TASOR: variants seen among roughly 807,000 people sequenced by gnomAD.
TASOR encodes protein TASOR.
TASOR carries 53 observed loss-of-function variants against 178.6 expected under a neutral mutation model. The ratio of observed to expected loss-of-function variants is 0.30; its 90% CI spans 0.24 to 0.37. The LOEUF is 0.37. TASOR is among the 10% of genes least tolerant of loss of function. TASOR has a pLI of 1.00. For synonymous variants in TASOR, 713 were observed against 696.2 expected, an observed-to-expected ratio of 1.02 and a Z score of -0.38; for missense variants, 1,815 against 1,971.4, an observed-to-expected ratio of 0.92 and a Z score of 1.50.
At chr3:56,667,949 GAT>G (rs1161160103) in intron 6 of TASOR, among the ~76,000 whole-genome samples, 4 of 152,102 alleles carry the variant, frequency 2.6e-5, no homozygotes, top group Admixed American at 6.6e-5. Context: ...TGTTAATAAA[GAT>G]AGAAAATACC....
intron 17 of TASOR, among the ~76,000 whole-genome samples, chr3:56,634,330 C>T (rs552491428): frequency 6.6e-6 from 1 of 152,276 alleles, no homozygotes; most frequent in East Asian, 1.9e-4. Context: ...TTGCTCAATC[C>T]CTGTATTTAT....
chr3:56,673,367 G>A (rs1200349524), intron 2 of TASOR, among the ~76,000 whole-genome samples: 1 of 146,954 alleles, frequency 6.8e-6, no homozygotes, highest in Non-Finnish European at 1.5e-5. Context: ...GGGAGGCAGA[G>A]GCTGTAGTGA....
rs2076826463 is a variant in TASOR at position 56,627,572 on chromosome 3, A to G, written c.4030+10T>C. 2 of 1,613,570 alleles carry G rather than the reference A, an allele frequency of 1.2e-6. No homozygotes were observed. The highest frequency in any genetic ancestry group is 1.3e-5 in the African/African-American group (1 of 74,926). On this transcript the variant is annotated intron_variant, in intron 20 of 23. Coordinates refer to ENST00000683822, the MANE Select transcript of TASOR (RefSeq NM_001365635.2). ...AGAGGAGTTACGTGCTCAAAAGAACATCATCTTACCAACTGTGACAACCTC... is the reference window on the plus strand; with the variant it reads ...AGAGGAGTTACGTGCTCAAAAGAACGTCATCTTACCAACTGTGACAACCTC...
chr3:56,639,895 CAA>C, intron 16 of TASOR, 89 bp downstream of exon 16: 2 of 1,177,266 alleles, frequency 1.7e-6, no homozygotes, highest in South Asian at 3.2e-5. Flanking sequence ...CCTAGTGACC[CAA>C]GAGTGAAATC....
At chr3:56,682,451 C>T (rs1263441136) in intron 1 of TASOR, among the ~76,000 whole-genome samples, 1 of 152,062 alleles carries the variant, frequency 6.6e-6, no homozygotes, top group Non-Finnish European at 1.5e-5. Flanking sequence ...CAAACCTGAG[C>T]TACTTCCAAC....
At chr3:56,639,484 T>C (rs2077079847) in intron 16 of TASOR, among the ~76,000 whole-genome samples, 3 of 152,192 alleles carry the variant, frequency 2.0e-5, no homozygotes. Flanking sequence ...TTACATTTGA[T>C]CATTCAGGCC....
chr3:56,629,167 TCA>T (rs1281483335), intron 18 of TASOR: 1 of 152,172 alleles, frequency 6.6e-6, no homozygotes, highest in African/African-American at 2.4e-5. Flanking sequence ...AATCACACAG[TCA>T]CAATGTTACA....
Position 56,633,923 on chromosome 3 carries a change from C to A in TASOR, c.2868G>T (p.Gln956His). The A allele has an allele frequency of 6.4e-7, 1 of 1,559,650 alleles. No homozygotes were observed. ...CCCGGGGGTCGTTAGGAAAGGCCTC[C>A]TGTGGTGGCACACACACCAGTTGTT... ...PEEQLVCVPPQEAFPNDPRVI... is the reference protein window; with the variant it reads ...PEEQLVCVPPHEAFPNDPRVI... The change falls in exon 18 of 24, where the codon CAG becomes CAT. Residue 956 changes from glutamine (Q) to histidine (H), a missense_variant. Physicochemically the swap from Gln to His is conservative, Grantham distance 24. Transcript: ENST00000683822.
intron 17 of TASOR, among the ~76,000 whole-genome samples, chr3:56,638,068 T>A (rs1313450454): frequency 6.6e-6 from 1 of 152,094 alleles, no homozygotes; most frequent in Non-Finnish European, 1.5e-5. Flanking sequence ...TTTTTAAAAA[T>A]TTAAAAAAGA....
rs533306611 is a variant in TASOR at position 56,678,177 on chromosome 3, A to ATTTTTTTT, written c.332-4460_332-4453dup. Among the ~76,000 whole-genome samples the ATTTTTTTT allele has an allele frequency of 3.6e-4, 38 of 106,956 alleles. 2 individuals are homozygous for ATTTTTTTT. The highest frequency in any genetic ancestry group is 1.5e-3 in the East Asian group (5 of 3,384). The allele number at this position is 106,956 out of a possible 152,430, so 70.2% of individuals were successfully genotyped here. On this transcript the variant is annotated intron_variant, in intron 1 of 23. Transcript: ENST00000683822. ...TAGTATCATACAAAACACACTTATG[A>ATTTTTTTT]TTTTTTTTTTTTTTTTTTTTTTGAG...
At position 56,634,094 on chromosome 3, in the gene TASOR, T is replaced by G. The variant is rs750185578; in HGVS notation, c.2825-128A>C. 453 of 749,680 alleles carry G rather than the reference T, an allele frequency of 6.0e-4. 2 individuals carry two copies. The highest frequency in any genetic ancestry group is 8.6e-4 in the Non-Finnish European group (421 of 486,950). 46.4% of individuals were successfully genotyped at this position (749,680 alleles called of 1,614,324 possible). A position where few individuals can be genotyped will look rare whatever the true frequency, so the allele number is the denominator to read the frequency against. On this transcript the variant is annotated intron_variant, in intron 17 of 23. Coordinates refer to ENST00000683822, the MANE Select transcript of TASOR (RefSeq NM_001365635.2). ...ACTAATTATATATTAGAAGGTAAAA[T>G]AAAATCCTAAAATTCTGGTATGAAT...
rs1295378230 is a variant in TASOR, at chr3:56,621,090, G to A, written c.*1947C>T. 1.3e-5 allele frequency: 2 copies of A among 152,228 alleles called. No homozygotes were observed. Among genetic ancestry groups the A allele is most frequent in the African/African-American group, 4.8e-5 (2 of 41,326 alleles). 9.4% of individuals were successfully genotyped at this position (152,228 alleles called of 1,614,324 possible). A position where few individuals can be genotyped will look rare whatever the true frequency, so the allele number is the denominator to read the frequency against. On this transcript the variant is annotated 3_prime_UTR_variant, in exon 24 of 24. Coordinates refer to ENST00000683822, the MANE Select transcript of TASOR (RefSeq NM_001365635.2). ...GAGGCAGGAGAATGGTGTGAACCTGGGAGGCAGAGCTTGCAGTGAGATTGC... is the reference window on the plus strand; with the variant it reads ...GAGGCAGGAGAATGGTGTGAACCTGAGAGGCAGAGCTTGCAGTGAGATTGC...
intron 3 of TASOR, among the ~76,000 whole-genome samples, chr3:56,670,845 A>G (rs1447977404): frequency 6.7e-6 from 1 of 149,064 alleles, no homozygotes; most frequent in Non-Finnish European, 1.5e-5. Context: ...GCTGAGGCAC[A>G]AGAATCACTT....
chr3:56,641,525 C>G lies in TASOR; in HGVS notation c.2443G>C (p.Glu815Gln). ...YEELRQKHEY[E>Q]LNSTPDKKDY... ...TTCTTATCTGGGGTAGAGTTCAACTCATACTCATGTTTTTGCCTCAGCTCT... is the reference window on the plus strand; with the variant it reads ...TTCTTATCTGGGGTAGAGTTCAACTGATACTCATGTTTTTGCCTCAGCTCT... The change falls in exon 15 of 24, where the codon GAG becomes CAG. Residue 815 changes from glutamate (E) to glutamine (Q), a missense_variant. Glu to Gln is a conservative substitution (Grantham distance 29, BLOSUM62 2). Coordinates refer to ENST00000683822, the MANE Select transcript of TASOR (RefSeq NM_001365635.2). The G allele has an allele frequency of 6.2e-7, 1 of 1,614,160 alleles. No individual in the cohort carries two copies. Among genetic ancestry groups the G allele is most frequent in the Non-Finnish European group, 8.5e-7 (1 of 1,179,990 alleles).
chr3:56,623,099 A>C lies in TASOR; in HGVS notation c.4951T>G (p.Ser1651Ala). The C allele has an allele frequency of 6.2e-7, 1 of 1,611,500 alleles. No individual in the cohort carries two copies. Among genetic ancestry groups the C allele is most frequent in the South Asian group, 1.1e-5 (1 of 90,186 alleles). The change falls in exon 24 of 24, where the codon TCT (serine) becomes GCT (alanine). Residue 1651 changes from serine to alanine, a missense_variant. Transcript: ENST00000683822. Reference sequence around the variant, plus strand: ...TTCCCCCAACTTAAGGGAGGTGGAGATTTATCTCTATCCAAGCTTTCAGTA... The same window carrying C: ...TTCCCCCAACTTAAGGGAGGTGGAGCTTTATCTCTATCCAAGCTTTCAGTA... The part of the protein sequence containing the change: ...AYTESLDRDK[S>A]PPPLSWGKSD...
At chr3:56,664,085 A>C (rs1018975786) in intron 7 of TASOR, 1 of 152,438 alleles carries the variant, frequency 6.6e-6, no homozygotes, top group Non-Finnish European at 1.4e-5. Context: ...AAAAAGAGAC[A>C]TAAGAGTATA....
rs779611770 is a variant in TASOR at position 56,669,689 on chromosome 3, G to A, written c.735+11C>T. 6.7e-7 allele frequency: 1 copy of A among 1,497,294 alleles called. No individual in the cohort carries two copies. The highest frequency in any genetic ancestry group is 9.0e-7 in the Non-Finnish European group (1 of 1,106,702). 92.8% of individuals were successfully genotyped at this position (1,497,294 alleles called of 1,614,324 possible). ...AGTTTTTCATACATGAAGTGTGTAA[G>A]TTTAAATTACCTTCATTATTTTAAA... On this transcript the variant is annotated intron_variant, in intron 5 of 23. Coordinates refer to ENST00000683822, the MANE Select transcript of TASOR (RefSeq NM_001365635.2).
Position 56,621,541 on chromosome 3 carries a change from C to T in TASOR, c.*1496G>A, listed in dbSNP as rs377083364. The T allele has an allele frequency of 1.3e-5, 21 of 1,591,164 alleles. No individual in the cohort carries two copies. Among genetic ancestry groups the T allele is most frequent in the Non-Finnish European group, 1.8e-5 (21 of 1,169,304 alleles). ...ATCAATGTGATTTCAGGGCCTTCTC[C>T]AGAAGCAAAAGGAGTTGGAAAGTAG... On this transcript the variant is annotated 3_prime_UTR_variant, in exon 24 of 24. Coordinates refer to ENST00000683822, the MANE Select transcript of TASOR (RefSeq NM_001365635.2).
intron 1 of TASOR, among the ~76,000 whole-genome samples, chr3:56,680,235 C>A (rs1301354779): frequency 6.6e-6 from 1 of 152,152 alleles, no homozygotes; most frequent in African/African-American, 2.4e-5. Context: ...GTACTTTAGT[C>A]TCCTCATCTG....
Sources: allele counts gnomAD v4.1 joint callset (sites outside exome capture counted in the v4.1 genomes callset), GRCh38; gene constraint gnomAD v4.1.1; transcripts MANE v1.5; gene names NCBI Gene and HGNC (gene_info 2026-07-23, HGNC 2026-07-21).